The following SYNC variants were observed in gnomAD, a reference collection of about 807,000 sequenced individuals.
The protein encoded by SYNC is syncoilin.
Under a neutral mutation model 49.5 loss-of-function variants are expected in SYNC, and 38 were observed. The observed-to-expected ratio is 0.77, with a 90% CI of 0.59 to 1.01. The LOEUF (loss-of-function observed/expected upper bound fraction) is 1.01. Among genes scored for constraint, SYNC ranks in the 50% least tolerant of loss-of-function variants. The pLI is 0.00. For synonymous variants in SYNC, 201 were observed against 230.8 expected (o/e 0.87, Z 1.17); for missense variants, 579 against 580.6 (o/e 1.00, Z 0.03).
At chr1:32,681,957 A>G (rs969559869) in intron 4 of SYNC, 97 bp from the exon 5 acceptor site, 8 of 1,084,156 alleles carry the variant, frequency 7.4e-6, no homozygotes, top group Non-Finnish European at 1.1e-5. Context: ...TGATTTATGG[A>G]TGATCAGGGA....
rs1649326327 is a variant in SYNC, at chr1:32,680,064, A to C, written c.*1786T>G. The C allele has an allele frequency of 9.3e-7, 1 of 1,076,444 alleles. No individual in the cohort carries two copies. Among genetic ancestry groups the C allele is most frequent in the Non-Finnish European group, 1.1e-6 (1 of 890,180 alleles). 66.7% of individuals were successfully genotyped at this position (1,076,444 alleles called of 1,614,324 possible). ...AGTGAGTAAGGAATAGAGCCAAATG[A>C]GGTAGGTGTCTGAGCCATGAAGTAT... On this transcript the variant is annotated 3_prime_UTR_variant, in exon 5 of 5. Coordinates refer to ENST00000409190, the MANE Select transcript of SYNC (RefSeq NM_030786.3).
intron 1 of SYNC, among the ~76,000 whole-genome samples, chr1:32,697,556 G>A (rs572593068): frequency 7.9e-5 from 12 of 151,756 alleles, no homozygotes; most frequent in East Asian, 2.0e-4. Context: ...GCAACATGGC[G>A]AAACCCCATC....
Position 32,695,461 on chromosome 1 carries a change from G to A in SYNC, c.637C>T (p.Gln213Ter). The part of the protein sequence containing the change: ...LREPALQEVQ[Q>*]VHQDILAAYK... ...GCAGCCAGGATGTCTTGATGGACTT[G>A]CTGTACCTCCTGCAGGGCTGGTTCC... The change falls in exon 2 of 5, where the codon CAA becomes TAA. Residue 213 changes from glutamine (Q) to a stop codon, truncating the protein, a stop_gained. Transcript: ENST00000409190. LOFTEE classifies it high-confidence loss of function. 1 of 1,551,568 alleles carries A rather than the reference G, an allele frequency of 6.4e-7. No individual in the cohort carries two copies. Among genetic ancestry groups the A allele is most frequent in the Non-Finnish European group, 8.7e-7 (1 of 1,147,022 alleles).
Position 32,684,080 on chromosome 1 carries a change from T to G in SYNC, c.1368A>C (p.Leu456=), listed in dbSNP as rs1649639600. 2 of 1,612,982 alleles carry G rather than the reference T, an allele frequency of 1.2e-6. No individual in the cohort carries two copies. The highest frequency in any genetic ancestry group is 1.7e-6 in the Non-Finnish European group (2 of 1,180,010). ...CAGCCTGTTCCAGGCTCTTGGGTAGTAGCATAGCCCTTTAAAAAGAGAGAG... is the reference window on the plus strand; with the variant it reads ...CAGCCTGTTCCAGGCTCTTGGGTAGGAGCATAGCCCTTTAAAAAGAGAGAG... The part of the protein sequence containing the change: ...AEELSTYKAM[L]LPKSLEQADA... The change falls in exon 4 of 5, where the codon CTA becomes CTC. Residue 456 remains leucine (L), a synonymous_variant. Coordinates refer to ENST00000409190, the MANE Select transcript of SYNC (RefSeq NM_030786.3).
intron 1 of SYNC, among the ~76,000 whole-genome samples, chr1:32,697,367 G>A (rs1372724896): frequency 6.6e-6 from 1 of 151,678 alleles, no homozygotes; most frequent in Non-Finnish European, 1.5e-5. Context: ...ACTTCAAAGA[G>A]GCAGAGGTTG....
At chr1:32,687,237 TG>T (rs1170369002) in intron 2 of SYNC, among the ~76,000 whole-genome samples, 3 of 151,798 alleles carry the variant, frequency 2.0e-5, no homozygotes, top group African/African-American at 7.3e-5. Context: ...GGCAGGTGCC[TG>T]TAATCTCAGC....
intron 2 of SYNC, chr1:32,685,547 G>A (rs1211871393): frequency 6.6e-6 from 1 of 152,186 alleles, no homozygotes; most frequent in Non-Finnish European, 1.5e-5. Context: ...AGTCATACTT[G>A]ACATTGTACC....
At chr1:32,688,225 T>G (rs1649986413) in intron 2 of SYNC, among the ~76,000 whole-genome samples, 2 of 152,176 alleles carry the variant, frequency 1.3e-5, no homozygotes, top group Admixed American at 1.3e-4. Context: ...CCTCGCTCCA[T>G]CACTCTCAAG....
At chr1:32,682,173 A>T in intron 4 of SYNC, 1 of 308,676 alleles carries the variant, frequency 3.2e-6, no homozygotes. Context: ...ACACAAAGGT[A>T]GTTAGTAGAT....
rs1405416394 is a variant in SYNC, at chr1:32,702,530, C to T, written c.53+78G>A. 1.8e-5 allele frequency: 21 copies of T among 1,161,064 alleles called. No homozygotes were observed. The East Asian group carries it at 4.8e-4, about 26-fold the overall frequency. 71.9% of individuals were successfully genotyped at this position (1,161,064 alleles called of 1,614,324 possible). Reference sequence around the variant, plus strand: ...CCCCTAGACAGGCGAAAGACGCCCGCGGTCGGGGGGAAAGGGAACCCGTCC... The same window carrying T: ...CCCCTAGACAGGCGAAAGACGCCCGTGGTCGGGGGGAAAGGGAACCCGTCC... On this transcript the variant is annotated intron_variant, in intron 1 of 4. Coordinates refer to ENST00000409190, the MANE Select transcript of SYNC (RefSeq NM_030786.3). The surrounding 1 kb of genome is among the most constrained non-coding windows in gnomAD (Gnocchi z 6.2).
At position 32,694,885 on chromosome 1, in the gene SYNC, C is replaced by A; in HGVS notation, c.1213G>T (p.Glu405Ter). The A allele has an allele frequency of 6.2e-7, 1 of 1,608,630 alleles. No homozygotes were observed. Among genetic ancestry groups the A allele is most frequent in the Non-Finnish European group, 8.5e-7 (1 of 1,177,894 alleles). ...CCTACCCTGTACTGCTGCACCTCTT[C>A]ATCTCGTTTTTGCCTCACAAGTGCG... is the stretch of plus-strand genomic sequence containing the variant. The part of the protein sequence containing the change: ...QIALVRQKRD[E>*]EVQQYREQLE... The change falls in exon 2 of 5, where the codon GAA becomes TAA. Residue 405 changes from glutamate (E) to a stop codon, truncating the protein, a stop_gained. Transcript: ENST00000409190. LOFTEE classifies it high-confidence loss of function.
chr1:32,687,226 T>C (rs1649887469), intron 2 of SYNC, among the ~76,000 whole-genome samples: 1 of 151,894 alleles, frequency 6.6e-6, no homozygotes, highest in African/African-American at 2.4e-5. Context: ...CCGGGCGTGG[T>C]GGCAGGTGCC....
Position 32,694,856 on chromosome 1 carries a change from T to C in SYNC, c.1233+9A>G. 1.3e-6 allele frequency: 2 copies of C among 1,554,716 alleles called. No homozygotes were observed. The highest frequency in any genetic ancestry group is 1.7e-6 in the Non-Finnish European group (2 of 1,153,636). ...AGACCTCAGTTCTTTTCATGCCCAA[T>C]GGGCCTACCCTGTACTGCTGCACCT... On this transcript the variant is annotated intron_variant, in intron 2 of 4. Transcript: ENST00000409190.
chr1:32,684,228 G>C (rs755014600), intron 3 of SYNC, 30 bp downstream of exon 3: 10 of 1,613,746 alleles, frequency 6.2e-6, no homozygotes, highest in African/African-American at 1.3e-5. Flanking sequence ...GCCAGTATTA[G>C]ATGAGATTTG....
chr1:32,684,051 G>C lies in SYNC; in HGVS notation c.1397C>G (p.Ala466Gly). The change falls in exon 4 of 5, where the codon GCT (alanine) becomes GGT (glycine). Residue 466 changes from alanine (A) to glycine (G), a missense_variant. Physicochemically the swap from Ala to Gly is moderately conservative, Grantham distance 60. Transcript: ENST00000409190. The part of the protein sequence containing the change: ...LLPKSLEQAD[A>G]PTSQAGGMET... ...CATTCCACCTGCCTGAGAAGTGGGA[G>C]CATCAGCCTGTTCCAGGCTCTTGGG... The C allele has an allele frequency of 1.2e-6, 2 of 1,614,214 alleles. No homozygotes were observed. The highest frequency in any genetic ancestry group is 8.5e-7 in the Non-Finnish European group (1 of 1,180,036).
At chr1:32,698,535 C>T (rs781764043) in intron 1 of SYNC, among the ~76,000 whole-genome samples, 79 of 152,046 alleles carry the variant, frequency 5.2e-4, no homozygotes, top group Non-Finnish European at 6.2e-4. Context: ...AAAAGTTTTT[C>T]ATACCAAGTG....
Position 32,695,776 on chromosome 1 carries a change from A to G in SYNC, c.322T>C (p.Cys108Arg). The G allele has an allele frequency of 6.4e-7, 1 of 1,551,530 alleles. No homozygotes were observed. The highest frequency in any genetic ancestry group is 8.7e-7 in the Non-Finnish European group (1 of 1,146,982). ...EEPGNPEETV[C>R]VEETTEPDRI... ...TCTGGCTCCGTGGTTTCCTCCACAC[A>G]CACTGTCTCCTCTGGATTCCCAGGC... Residue 108 changes from cysteine (C) to arginine (R), a missense_variant, in exon 2 of 5, where the codon TGT becomes CGT. Transcript: ENST00000409190.
chr1:32,683,607 A>T (rs1649597937), intron 4 of SYNC: 1 of 157,990 alleles, frequency 6.3e-6, no homozygotes, highest in African/African-American at 2.4e-5. Context: ...CATTAGGCAC[A>T]CAAGGGTTTT....
At chr1:32,702,776 GC>G, upstream of SYNC, 1 of 913,620 alleles carries the variant, frequency 1.1e-6, no homozygotes, top group Non-Finnish European at 1.3e-6. The surrounding 1 kb of genome is among the most constrained non-coding windows in gnomAD (Gnocchi z 6.2). Flanking sequence ...ATCCCGGCCG[GC>G]CCCGGGCCGG....
Sources: allele counts gnomAD v4.1 joint callset (sites outside exome capture counted in the v4.1 genomes callset), GRCh38; gene constraint gnomAD v4.1.1; non-coding constraint Gnocchi (gnomAD v3.1); transcripts MANE v1.5; gene names NCBI Gene and HGNC (gene_info 2026-07-23, HGNC 2026-07-21).